The following ZC3HAV1 variants were observed in gnomAD, a reference collection of about 807,000 sequenced individuals.
ZC3HAV1 encodes zinc finger CCCH-type antiviral protein 1.
A neutral mutation model predicts 86.6 loss-of-function variants in ZC3HAV1; 41 were observed. The ratio of observed to expected loss-of-function variants is 0.47; its 90% confidence interval spans 0.37 to 0.61. The LOEUF is 0.61. Among genes scored for constraint, ZC3HAV1 ranks in the 20% least tolerant of loss-of-function variants. The pLI is 0.00. For synonymous variants in ZC3HAV1, 421 were observed against 432.1 expected, an observed-to-expected ratio of 0.97 and a Z score of 0.32; for missense variants, 964 against 1,141.1, an observed-to-expected ratio of 0.84 and a Z score of 2.24.
chr7:139,091,684 A>C (rs988641196), intron 1 of ZC3HAV1, among the ~76,000 whole-genome samples: 1 of 151,864 alleles, frequency 6.6e-6, no homozygotes, highest in Non-Finnish European at 1.5e-5. Context: ...TGGCACAATC[A>C]CGGCTCACTA....
intron 1 of ZC3HAV1, among the ~76,000 whole-genome samples, chr7:139,103,072 C>A (rs949777409): frequency 3.3e-5 from 5 of 150,552 alleles, no homozygotes; most frequent in Non-Finnish European, 5.9e-5. Context: ...CAGAGCCACA[C>A]TCTGTTGCCC....
chr7:139,068,024 TTTATTATTATTATTATTATTATTA>T (rs142686573), intron 7 of ZC3HAV1, among the ~76,000 whole-genome samples: 3 of 142,044 alleles, frequency 2.1e-5, no homozygotes, highest in Non-Finnish European at 3.1e-5. Flanking sequence ...TCTTTCTTTC[TTTATTATTATTATTATTATTATTA>T]TTATTATTAT....
At chr7:139,067,511 T>G (rs1239396433) in intron 7 of ZC3HAV1, among the ~76,000 whole-genome samples, 1 of 152,044 alleles carries the variant, frequency 6.6e-6, no homozygotes, top group Non-Finnish European at 1.5e-5. Context: ...GAGCATTAAA[T>G]TGACATAAGA....
At chr7:139,097,401 C>CAA (rs1817620074) in intron 1 of ZC3HAV1, among the ~76,000 whole-genome samples, 1 of 63,862 alleles carries the variant, frequency 1.6e-5, no homozygotes, top group Non-Finnish European at 2.5e-5. Flanking sequence ...ATTGGAACTC[C>CAA]ATATATATAT....
In ZC3HAV1 at chr7:139,097,411, TA is replaced by T. The variant is rs1817622678; in HGVS notation, c.309-7653del. ...CAAATATTGGAACTCCATATATATATATATATATATATATATATTTTTTTTT... is the reference window on the plus strand; with the variant it reads ...CAAATATTGGAACTCCATATATATATTATATATATATATATATTTTTTTTT... On this transcript the variant is annotated intron_variant, in intron 1 of 12. Coordinates refer to ENST00000242351, the MANE Select transcript of ZC3HAV1 (RefSeq NM_020119.4). Among the ~76,000 whole-genome samples the T allele has an allele frequency of 1.0e-4, 8 of 79,464 alleles. No homozygotes were observed. In the East Asian group the frequency reaches 1.6e-3, roughly 16 times the overall value. 52.1% of individuals were successfully genotyped at this position (79,464 alleles called of 152,430 possible).
At position 139,076,297 on chromosome 7, in the gene ZC3HAV1, G is replaced by A. The variant is rs371767798; in HGVS notation, c.1686C>T (p.Pro562=). Residue 562 remains proline (P), a synonymous_variant, in exon 6 of 13, where the codon CCC becomes CCT. Coordinates refer to ENST00000242351, the MANE Select transcript of ZC3HAV1 (RefSeq NM_020119.4). ...AGCCACCAACTTACAGGTGGATTCC[G>A]GGGTTACAGTAGCCTTTCTCGATCG... ...METIEKGYCN[P]GIHLCSVGSY... is the part of the protein sequence containing the mutation. 46 of 1,613,956 alleles carry A rather than the reference G, an allele frequency of 2.9e-5. No homozygotes were observed. Among genetic ancestry groups the A allele is most frequent in the South Asian group, 9.9e-5 (9 of 91,068 alleles).
intron 3 of ZC3HAV1, among the ~76,000 whole-genome samples, chr7:139,081,836 T>C (rs1584860159): frequency 6.6e-6 from 1 of 152,298 alleles, no homozygotes. Flanking sequence ...TATAAGGAGG[T>C]TTAATTGTTC....
At chr7:139,097,871 A>T (rs1041295591) in intron 1 of ZC3HAV1, among the ~76,000 whole-genome samples, 2 of 152,056 alleles carry the variant, frequency 1.3e-5, no homozygotes, top group Non-Finnish European at 2.9e-5. Flanking sequence ...GGCTGATGAA[A>T]ATGTTCTGTA....
chr7:139,081,730 C>G (rs1027208093), intron 3 of ZC3HAV1, among the ~76,000 whole-genome samples: 29 of 152,178 alleles, frequency 1.9e-4, no homozygotes, highest in African/African-American at 5.8e-4. Context: ...TAAAAAATGA[C>G]ATATCTACCT....
chr7:139,050,156 C>T (rs1323249286), intron 12 of ZC3HAV1: 1 of 152,200 alleles, frequency 6.6e-6, no homozygotes, highest in Non-Finnish European at 1.5e-5. Flanking sequence ...TATTTTCTCC[C>T]ACTCTGTGGG....
At chr7:139,101,707 C>T (rs892005194) in intron 1 of ZC3HAV1, among the ~76,000 whole-genome samples, 10 of 151,010 alleles carry the variant, frequency 6.6e-5, no homozygotes, top group African/African-American at 2.4e-4. Flanking sequence ...TATGACCTTA[C>T]CCCCAACCCT....
At position 139,065,016 on chromosome 7, in the gene ZC3HAV1, T is replaced by A. The variant is rs761239715; in HGVS notation, c.1873-17A>T. 4 of 1,613,598 alleles carry A rather than the reference T, an allele frequency of 2.5e-6. No individual in the cohort carries two copies. Among genetic ancestry groups the A allele is most frequent in the East Asian group, 2.2e-5 (1 of 44,866 alleles). The stretch of plus-strand genomic sequence containing the variant: ...TTTGTCTTTCTAATTGGAAAAAAAA[T>A]AAAAGGTAAAGTCAGGGTAGGCTTT... On this transcript the variant is annotated splice_polypyrimidine_tract_variant and intron_variant, in intron 7 of 12. Transcript: ENST00000242351.
At chr7:139,078,958 A>G in intron 4 of ZC3HAV1, 1 of 1,142,450 alleles carries the variant, frequency 8.8e-7, no homozygotes, top group South Asian at 1.6e-5. Context: ...TCACTAGTCA[A>G]TCTCCTCACC....
chr7:139,103,233 TTTTA>T (rs930322332), intron 1 of ZC3HAV1, among the ~76,000 whole-genome samples: 3 of 149,756 alleles, frequency 2.0e-5, no homozygotes, highest in African/African-American at 7.3e-5. Context: ...TATTTTTATT[TTTTA>T]TTTATTTTAC....
In ZC3HAV1 at chr7:139,045,423, G is replaced by C. The variant is rs1424161973; in HGVS notation, c.*2171C>G. On this transcript the variant is annotated 3_prime_UTR_variant, in exon 13 of 13. Coordinates refer to ENST00000242351, the MANE Select transcript of ZC3HAV1 (RefSeq NM_020119.4). ...AAGACTTGATGTGTGTTTTGAATGT[G>C]CATTACTAAGTAAATTTTAAAAAAT... 6.6e-6 allele frequency: 1 copy of C among 152,164 alleles called. No individual in the cohort carries two copies. Among genetic ancestry groups the C allele is most frequent in the African/African-American group, 2.4e-5 (1 of 41,430 alleles). The allele number at this position is 152,164 out of a possible 1,614,324, so 9.4% of individuals were successfully genotyped here.
Position 139,079,078 on chromosome 7 carries a change from G to T in ZC3HAV1, c.1471+392C>A, listed in dbSNP as rs1300864368. On this transcript the variant is annotated intron_variant, in intron 4 of 12. Coordinates refer to ENST00000242351, the MANE Select transcript of ZC3HAV1 (RefSeq NM_020119.4). ...CTCTGCTGCAGACTCAAGACACAGA[G>T]GCCCCTTTGTCCTTCAGTGACTTAC... 13 of 1,535,024 alleles carry T rather than the reference G, an allele frequency of 8.5e-6. No individual in the cohort carries two copies. In the East Asian group the frequency reaches 2.4e-4, roughly 29 times the overall value.
At position 139,076,267 on chromosome 7, in the gene ZC3HAV1, A is replaced by C. The variant is rs200719102; in HGVS notation, c.1697+19T>G. The C allele has an allele frequency of 3.8e-4, 621 of 1,614,120 alleles. No homozygotes were observed. The highest frequency in any genetic ancestry group is 5.0e-4 in the Non-Finnish European group (585 of 1,179,976). ...ATAATGTTGGACTCTTGAAAGCCAG[A>C]GTACAGCCACCAACTTACAGGTGGA... On this transcript the variant is annotated intron_variant, in intron 6 of 12. Transcript: ENST00000242351.
chr7:139,060,673 T>TAAAAA (rs35979655), intron 9 of ZC3HAV1: 3 of 936,270 alleles, frequency 3.2e-6, no homozygotes, highest in South Asian at 6.7e-5. Context: ...AGACCCCCTC[T>TAAAAA]AAAAAAAAAA....
chr7:139,058,843 T>C (rs1411940746), intron 9 of ZC3HAV1, among the ~76,000 whole-genome samples: 1 of 152,080 alleles, frequency 6.6e-6, no homozygotes. Context: ...AGCAATTTTT[T>C]CCCCTAGAAA....
Sources: gnomAD v4.1 joint callset for allele counts (sites outside exome capture counted in the v4.1 genomes callset) on GRCh38, gnomAD v4.1.1 for gene constraint, MANE v1.5 for transcripts, NCBI Gene and HGNC (gene_info 2026-07-23, HGNC 2026-07-21) for gene names.